The following TRPC4AP variants were observed in gnomAD, a reference collection of about 807,000 sequenced individuals.
The protein encoded by TRPC4AP is short transient receptor potential channel 4-associated protein.
In TRPC4AP, 45 loss-of-function variants were observed where a neutral mutation model predicts 99.0. The ratio of observed to expected loss-of-function variants is 0.45; its 90% CI spans 0.36 to 0.58. The LOEUF is 0.58. Ranked by LOEUF, TRPC4AP falls within the 20% of genes least tolerant of loss-of-function variation. TRPC4AP has a pLI of 0.00. For synonymous variants in TRPC4AP, 408 were observed against 385.8 expected (o/e 1.06, Z -0.67); for missense variants, 879 against 985.3 (o/e 0.89, Z 1.44).
At chr20:35,069,559 C>A in intron 2 of TRPC4AP, 147 bp from the exon 3 acceptor site, 1 of 594,436 alleles carries the variant, frequency 1.7e-6, no homozygotes, top group Non-Finnish European at 3.0e-6. Flanking sequence ...AGTATTCAGG[C>A]CCCTGTAAAG....
chr20:35,026,980 A>G (rs773745343), intron 8 of TRPC4AP, among the ~76,000 whole-genome samples: 4 of 152,154 alleles, frequency 2.6e-5, no homozygotes, highest in Non-Finnish European at 5.9e-5. Context: ...TACATATAAG[A>G]TCATCCCATC....
At chr20:35,060,600 A>G (rs1321212095) in intron 3 of TRPC4AP, among the ~76,000 whole-genome samples, 7 of 150,794 alleles carry the variant, frequency 4.6e-5, no homozygotes, top group Admixed American at 4.0e-4. Flanking sequence ...AAAAAAAAAA[A>G]AAAAAAAAAA....
intron 4 of TRPC4AP, 112 bp downstream of exon 4, chr20:35,057,402 A>G: frequency 1.2e-6 from 1 of 835,516 alleles, no homozygotes; most frequent in Non-Finnish European, 2.0e-6. Flanking sequence ...TAAATGTAAG[A>G]CATGTCCTTA....
At position 35,092,794 on chromosome 20, in the gene TRPC4AP, G is replaced by C. The variant is rs1412177379; in HGVS notation, c.-13C>G. 2.0e-6 allele frequency: 3 copies of C among 1,518,686 alleles called. No homozygotes were observed. Among genetic ancestry groups the C allele is most frequent in the African/African-American group, 1.4e-5 (1 of 69,274 alleles). The allele number at this position is 1,518,686 out of a possible 1,614,324, so 94.1% of individuals were successfully genotyped here. A position where few individuals can be genotyped will look rare whatever the true frequency, so the allele number is the denominator to read the frequency against. On this transcript the variant is annotated 5_prime_UTR_variant, in exon 1 of 19. Coordinates refer to ENST00000252015, the MANE Select transcript of TRPC4AP (RefSeq NM_015638.3). ...GCGCCGCCGCCATGTCTCCTCGTCGGACAAACAGGAAGCAAGCGGCCTCGG... is the reference window on the plus strand; with the variant it reads ...GCGCCGCCGCCATGTCTCCTCGTCGCACAAACAGGAAGCAAGCGGCCTCGG...
At chr20:35,078,756 A>G (rs2084550076) in intron 1 of TRPC4AP, among the ~76,000 whole-genome samples, 1 of 152,176 alleles carries the variant, frequency 6.6e-6, no homozygotes, top group South Asian at 2.1e-4. Flanking sequence ...TTAAATATAC[A>G]TATAGATAGG....
Position 35,013,569 on chromosome 20 carries a change from C to CTCACCCAG in TRPC4AP, c.1351-504_1351-503insCTGGGTGA, listed in dbSNP as rs542458877. Among the ~76,000 whole-genome samples the CTCACCCAG allele has an allele frequency of 2.6e-5, 4 of 152,268 alleles. No individual in the cohort carries two copies. In the South Asian group the frequency reaches 8.3e-4, roughly 32 times the overall value. On this transcript the variant is annotated intron_variant, in intron 10 of 18. Coordinates refer to ENST00000252015, the MANE Select transcript of TRPC4AP (RefSeq NM_015638.3). ...TGCACTCCAGCCTGGGTGATGGAGA[C>CTCACCCAG]TCTGTCCCAAAAATCCAACCAACCA...
In TRPC4AP at chr20:35,003,242, G is replaced by A. The variant is rs780990083; in HGVS notation, c.2298C>T (p.Ser766=). 6 of 1,614,216 alleles carry A rather than the reference G, an allele frequency of 3.7e-6. No homozygotes were observed. The East Asian group carries it at 1.3e-4, about 36-fold the overall frequency. ...ACTGCCGGTCCGGGTTCAACAGGAT[G>A]GACACTGTCTCCTTCCAGTATGAGA... ...ISFSYWKETV[S]ILLNPDRQSP... Residue 766 remains serine, a synonymous_variant, in exon 19 of 19, where the codon TCC becomes TCT. Coordinates refer to ENST00000252015, the MANE Select transcript of TRPC4AP (RefSeq NM_015638.3).
At chr20:35,038,891 G>A (rs1236905803) in intron 7 of TRPC4AP, among the ~76,000 whole-genome samples, 1 of 152,156 alleles carries the variant, frequency 6.6e-6, no homozygotes, top group East Asian at 1.9e-4. Context: ...TGGCCAATAT[G>A]GCAAAACCGA....
chr20:35,061,788 T>C (rs994227175), intron 3 of TRPC4AP, among the ~76,000 whole-genome samples: 4 of 152,180 alleles, frequency 2.6e-5, no homozygotes, highest in Non-Finnish European at 5.9e-5. Flanking sequence ...CTTTGTGACC[T>C]TGGATTAGGA....
intron 13 of TRPC4AP, among the ~76,000 whole-genome samples, chr20:35,008,080 G>A (rs375018654): frequency 1.3e-5 from 2 of 152,214 alleles, no homozygotes; most frequent in Non-Finnish European, 2.9e-5. Context: ...GATGCTGACC[G>A]AGGGACCCAG....
At chr20:35,050,030 T>C (rs1311887811) in intron 5 of TRPC4AP, 36 bp from the exon 6 acceptor site, 5 of 1,596,488 alleles carry the variant, frequency 3.1e-6, no homozygotes, top group Non-Finnish European at 4.3e-6. Flanking sequence ...AGGTTGTAAG[T>C]ACAAAATAAA....
chr20:35,060,585 C>CAAAAAAAAAAAA (rs35143678), intron 3 of TRPC4AP, among the ~76,000 whole-genome samples: 1 of 70,386 alleles, frequency 1.4e-5, no homozygotes, highest in Non-Finnish European at 2.5e-5. Context: ...ACCTTGTCTC[C>CAAAAAAAAAAAA]AAAAAAAAAA....
At chr20:35,031,371 C>T (rs185916891) in intron 8 of TRPC4AP, among the ~76,000 whole-genome samples, 37 of 147,072 alleles carry the variant, frequency 2.5e-4, no homozygotes, top group African/African-American at 9.4e-4. Context: ...TACAGGTGTG[C>T]ACTACTACCC....
At chr20:35,039,586 T>C (rs1017774989) in intron 7 of TRPC4AP, among the ~76,000 whole-genome samples, 1 of 152,210 alleles carries the variant, frequency 6.6e-6, no homozygotes, top group African/African-American at 2.4e-5. Flanking sequence ...CTTCTCACTG[T>C]TGAAACATCA....
chr20:35,018,713 C>T (rs2082815181), intron 9 of TRPC4AP, among the ~76,000 whole-genome samples: 1 of 151,726 alleles, frequency 6.6e-6, no homozygotes, highest in Non-Finnish European at 1.5e-5. Context: ...CTCTCAGGTC[C>T]AGCCCCGTAG....
Position 35,049,256 on chromosome 20 carries a change from G to T in TRPC4AP, c.657+610C>A, listed in dbSNP as rs1225636036. On this transcript the variant is annotated intron_variant, in intron 6 of 18. Transcript: ENST00000252015. ...TTTAGTTTTCATTTCGATCATAGCT[G>T]TTTTTTTTTTTTTTTAAAGTTATGG... Among the ~76,000 whole-genome samples, 45 of 140,022 alleles carry T rather than the reference G, an allele frequency of 3.2e-4. 1 individual carries two copies. In the South Asian group the frequency reaches 9.3e-3, roughly 29 times the overall value. The allele number at this position is 140,022 out of a possible 152,430, so 91.9% of individuals were successfully genotyped here.
At chr20:35,032,693 C>T (rs1600553551) in intron 8 of TRPC4AP, among the ~76,000 whole-genome samples, 2 of 148,880 alleles carry the variant, frequency 1.3e-5, no homozygotes, top group Admixed American at 6.7e-5. Context: ...AGGATAGTCT[C>T]GATCTCCTGA....
chr20:35,065,740 G>A (rs1271074845), intron 3 of TRPC4AP, among the ~76,000 whole-genome samples: 1 of 152,124 alleles, frequency 6.6e-6, no homozygotes, highest in African/African-American at 2.4e-5. Flanking sequence ...AAGAACAGTT[G>A]ATCCAAAGAT....
At chr20:35,089,010 G>C (rs1308522153) in intron 1 of TRPC4AP, among the ~76,000 whole-genome samples, 1 of 150,762 alleles carries the variant, frequency 6.6e-6, no homozygotes, top group African/African-American at 2.4e-5. Flanking sequence ...ACAACAATGG[G>C]AATATACTTC....
Sources: allele counts gnomAD v4.1 joint callset (sites outside exome capture counted in the v4.1 genomes callset), GRCh38; gene constraint gnomAD v4.1.1; transcripts MANE v1.5; gene names NCBI Gene and HGNC (gene_info 2026-07-23, HGNC 2026-07-21).